Variants in ATRX observed in about 807,000 individuals in gnomAD.
ATRX encodes the protein ATRX chromatin remodeler.
ATRX carries 12 observed loss-of-function variants against 172.6 expected under a neutral mutation model. The ratio of observed to expected loss-of-function variants is 0.07; its 90% CI spans 0.04 to 0.11. The LOEUF (loss-of-function observed/expected upper bound fraction) is 0.11, where lower values mean the gene tolerates loss of function less well. Ranked by LOEUF, ATRX falls within the 10% of genes least tolerant of loss-of-function variation. ATRX has a pLI of 1.00. For synonymous variants in ATRX, 674 were observed against 594.7 expected (o/e 1.13, Z -1.94); for missense variants, 1,368 against 1,767.4 (o/e 0.77, Z 4.05).
At chrX:77,634,754 T>G (rs1569533525) in intron 16 of ATRX, 51 bp from the exon 17 acceptor site, 1 of 1,025,452 alleles carries the variant, frequency 9.8e-7, no homozygotes, top group East Asian at 3.0e-5. Context: ...AGTTAAAAAC[T>G]TCCTTTACAT....
Position 77,683,266 on chromosome X carries a change from A to G in ATRX, c.1990T>C (p.Leu664=). Residue 664 remains leucine, a synonymous_variant, in exon 9 of 35, where the codon TTG becomes CTG. Transcript: ENST00000373344. The part of the protein sequence containing the change: ...RRSPRVKTTP[L]RRPTETNPVT... ...GGGTTAGTTTCTGTCGGTCGCCTCA[A>G]GGGTGTAGTCTTTACACGTGGGGAT... 2 of 1,211,075 alleles carry G rather than the reference A, an allele frequency of 1.7e-6. No homozygotes were observed. The highest frequency in any genetic ancestry group is 2.2e-6 in the Non-Finnish European group (2 of 894,995).
chrX:77,550,699 C>T (rs1460983787), intron 30 of ATRX, among the ~76,000 whole-genome samples: 15 of 111,168 alleles, frequency 1.3e-4, no homozygotes, highest in African/African-American at 3.9e-4. Context: ...GATGACATGA[C>T]TGTATATCTA....
chrX:77,694,065 T>G, intron 5 of ATRX, 128 bp from the exon 6 acceptor site: 2 of 522,273 alleles, frequency 3.8e-6, no homozygotes, highest in Admixed American at 5.9e-5. Flanking sequence ...GATATTGGTG[T>G]AAGGACCTCA....
In ATRX at chrX:77,785,986, T is replaced by C. The variant is rs782080475; in HGVS notation, c.16A>G (p.Met6Val). Reference protein sequence around the residue: MTAEPMSESKLNTLVQ... With the variant: MTAEPVSESKLNTLVQ... ...TGAGACGGGGTTGCGTTTTACCTCA[T>C]GGGCTCAGCGGTCATGTTTTCGCTT... is the stretch of plus-strand genomic sequence containing the variant. The change falls in exon 1 of 35, where the codon ATG becomes GTG. Residue 6 changes from methionine (M) to valine (V), a missense_variant. Met to Val is a conservative substitution (Grantham distance 21). Coordinates refer to ENST00000373344, the MANE Select transcript of ATRX (RefSeq NM_000489.6). The C allele has an allele frequency of 1.3e-5, 15 of 1,190,891 alleles. No homozygotes were observed. Among genetic ancestry groups the C allele is most frequent in the East Asian group, 3.1e-5 (1 of 32,711 alleles).
chrX:77,534,641 T>C (rs1386230088), intron 30 of ATRX, among the ~76,000 whole-genome samples: 1 of 111,745 alleles, frequency 8.9e-6, no homozygotes, highest in Non-Finnish European at 1.9e-5. Context: ...CTAAACTTTT[T>C]TTTCCTTAAA....
intron 1 of ATRX, among the ~76,000 whole-genome samples, chrX:77,780,854 T>C (rs782548445): frequency 6.4e-5 from 7 of 110,153 alleles, no homozygotes; most frequent in South Asian, 7.8e-4. Context: ...AGCAGGAGGA[T>C]TGCTTGAGCC....
At chrX:77,660,874 C>T (rs782021813) in intron 12 of ATRX, among the ~76,000 whole-genome samples, 2 of 111,495 alleles carry the variant, frequency 1.8e-5, no homozygotes, top group African/African-American at 3.3e-5. Context: ...CATGACAACT[C>T]TAAAAACCTG....
intron 12 of ATRX, among the ~76,000 whole-genome samples, chrX:77,661,723 T>C (rs2069920123): frequency 9.0e-6 from 1 of 110,758 alleles, no homozygotes; most frequent in African/African-American, 3.3e-5. Flanking sequence ...TTACCCAATA[T>C]ATATTATTTA....
chrX:77,684,869 A>G, intron 8 of ATRX, 70 bp downstream of exon 8: 1 of 967,043 alleles, frequency 1.0e-6, no homozygotes. Context: ...GACAAACCTC[A>G]TAAATGATTA....
intron 9 of ATRX, among the ~76,000 whole-genome samples, chrX:77,681,149 C>CCATGT (rs2071163936): frequency 9.0e-6 from 1 of 111,571 alleles, no homozygotes; most frequent in Non-Finnish European, 1.9e-5. Flanking sequence ...TTTTGACACA[C>CCATGT]CATGTCATAC....
intron 13 of ATRX, among the ~76,000 whole-genome samples, chrX:77,656,204 C>T (rs1386652184): frequency 9.0e-6 from 1 of 111,414 alleles, no homozygotes; most frequent in Non-Finnish European, 1.9e-5. Flanking sequence ...GATGAGGAAA[C>T]TGAAGCATAG....
rs1557086086 is a variant in ATRX at position 77,599,719 on chromosome X, G to C, written c.5786+13C>G. Reference sequence around the variant, plus strand: ...TGTCAATACAGGATGGCACGAAAAAGTATTCGATTTACTTTGTATAATCAT... The same window carrying C: ...TGTCAATACAGGATGGCACGAAAAACTATTCGATTTACTTTGTATAATCAT... On this transcript the variant is annotated intron_variant, in intron 24 of 34. Coordinates refer to ENST00000373344, the MANE Select transcript of ATRX (RefSeq NM_000489.6). 1 of 1,203,905 alleles carries C rather than the reference G, an allele frequency of 8.3e-7. No homozygotes were observed. The highest frequency in any genetic ancestry group is 1.1e-6 in the Non-Finnish European group (1 of 888,893).
chrX:77,580,198 A>C (rs1304514222), intron 27 of ATRX, among the ~76,000 whole-genome samples: 1 of 112,146 alleles, frequency 8.9e-6, no homozygotes, highest in East Asian at 2.8e-4. Flanking sequence ...AGCAAATCTA[A>C]GAGATATCGG....
intron 5 of ATRX, 43 bp from the exon 6 acceptor site, chrX:77,693,980 T>C (rs1480905706): frequency 9.8e-7 from 1 of 1,016,305 alleles, no homozygotes; most frequent in African/African-American, 1.9e-5. Flanking sequence ...ATATTAAATG[T>C]GCAAGTGAAG....
chrX:77,676,442 T>C (rs1287235194), intron 9 of ATRX, 144 bp from the exon 10 acceptor site: 33 of 429,485 alleles, frequency 7.7e-5, no homozygotes, highest in Non-Finnish European at 1.3e-4. Context: ...TAAAAAGCAT[T>C]CTTATAGAAA....
chrX:77,518,216 G>A (rs1346235714), intron 34 of ATRX, among the ~76,000 whole-genome samples: 1 of 112,044 alleles, frequency 8.9e-6, no homozygotes, highest in African/African-American at 3.2e-5. Context: ...AGTTGGAAAA[G>A]AAGAAGTCAA....
chrX:77,729,138 A>C (rs1224001717), intron 1 of ATRX, among the ~76,000 whole-genome samples: 3 of 109,972 alleles, frequency 2.7e-5, no homozygotes, highest in Non-Finnish European at 3.8e-5. Flanking sequence ...AAAAAAAAAA[A>C]AAAACTGTAA....
chrX:77,675,533 C>T (rs782209662), intron 10 of ATRX: 60 of 111,327 alleles, frequency 5.4e-4, no homozygotes, highest in African/African-American at 1.8e-3. Context: ...GTCTTTAATA[C>T]TGTTGTTTTC....
chrX:77,566,266 C>T (rs1010707385), intron 28 of ATRX, among the ~76,000 whole-genome samples: 4 of 111,263 alleles, frequency 3.6e-5, no homozygotes, highest in South Asian at 3.7e-4. Flanking sequence ...AAGAGAGAAA[C>T]GACACCTTAT....
Sources: gnomAD v4.1 joint callset for allele counts (sites outside exome capture counted in the v4.1 genomes callset) on GRCh38, gnomAD v4.1.1 for gene constraint, MANE v1.5 for transcripts, NCBI Gene and HGNC (gene_info 2026-07-23, HGNC 2026-07-21) for gene names.